Variants in SDCCAG8 observed in about 807,000 individuals in gnomAD.
SDCCAG8 encodes serologically defined colon cancer antigen 8.
A neutral mutation model predicts 101.8 loss-of-function variants in SDCCAG8; 74 were observed. The observed-to-expected ratio is 0.73, with a 90% confidence interval of 0.60 to 0.88. SDCCAG8 has a LOEUF of 0.88. Among genes scored for constraint, SDCCAG8 ranks in the 40% least tolerant of loss-of-function variants. The probability of loss-of-function intolerance (pLI) is 0.00; values close to 1 mark genes in which losing one functional copy is unlikely to be tolerated. For synonymous variants in SDCCAG8, 281 were observed against 292.9 expected (o/e 0.96, Z 0.41); for missense variants, 787 against 822.6 (o/e 0.96, Z 0.53).
chr1:243,379,134 T>G (rs1573675832), intron 13 of SDCCAG8, among the ~76,000 whole-genome samples: 2 of 152,194 alleles, frequency 1.3e-5, no homozygotes, highest in Non-Finnish European at 2.9e-5. Context: ...AATGACATAT[T>G]TCTCCTACCA....
intron 17 of SDCCAG8, among the ~76,000 whole-genome samples, chr1:243,490,281 C>T (rs1230062448): frequency 2.6e-5 from 4 of 152,240 alleles, no homozygotes; most frequent in Non-Finnish European, 2.9e-5. Flanking sequence ...GGAAATGCCT[C>T]TACTGTCCCC....
intron 15 of SDCCAG8, among the ~76,000 whole-genome samples, chr1:243,419,902 T>G (rs2080868575): frequency 1.3e-5 from 2 of 152,226 alleles, no homozygotes; most frequent in Non-Finnish European, 2.9e-5. Context: ...ATCTGTCATC[T>G]TAGCCTGTAC....
At chr1:243,292,946 A>C (rs1190933690) in intron 5 of SDCCAG8, 145 bp from the exon 6 acceptor site, 1 of 999,476 alleles carries the variant, frequency 1.0e-6, no homozygotes, top group African/African-American at 1.6e-5. Flanking sequence ...TAATAGCCTG[A>C]AAATGTGAAG....
chr1:243,399,284 A>G (rs1302516606), intron 13 of SDCCAG8, among the ~76,000 whole-genome samples: 2 of 152,094 alleles, frequency 1.3e-5, no homozygotes, highest in South Asian at 4.1e-4. Flanking sequence ...TGCATCCCAC[A>G]TTATACTTCT....
chr1:243,302,112 A>T (rs1241988965), intron 6 of SDCCAG8, among the ~76,000 whole-genome samples: 4 of 151,998 alleles, frequency 2.6e-5, no homozygotes, highest in Non-Finnish European at 5.9e-5. Flanking sequence ...GCTGGGCATG[A>T]TGTCACGTGC....
chr1:243,342,671 A>G (rs2075446732), intron 11 of SDCCAG8, among the ~76,000 whole-genome samples: 1 of 152,238 alleles, frequency 6.6e-6, no homozygotes, highest in Admixed American at 6.5e-5. Flanking sequence ...ATTGAGAAAG[A>G]AAATAAAGTA....
intron 8 of SDCCAG8, among the ~76,000 whole-genome samples, chr1:243,310,108 C>T (rs565730342): frequency 7.2e-5 from 11 of 152,140 alleles, no homozygotes; most frequent in East Asian, 3.9e-4. Context: ...ATGATCCACC[C>T]GCCTTGGCCT....
chr1:243,445,147 A>G (rs984219012), intron 16 of SDCCAG8, among the ~76,000 whole-genome samples: 1 of 152,208 alleles, frequency 6.6e-6, no homozygotes, highest in African/African-American at 2.4e-5. Context: ...TCTAAAGACT[A>G]ATAAATTTTT....
rs1282002784 is a variant in SDCCAG8 at position 243,310,954 on chromosome 1, G to A, written c.929+2777G>A. On this transcript the variant is annotated intron_variant, in intron 8 of 17. Transcript: ENST00000366541. ...ATTGATAATTTCAAGAGTTGGTGAG[G>A]TCATGAGTACACAAGTATTTTCACT... 3.9e-5 allele frequency among the ~76,000 whole-genome samples: 6 copies of A among 152,188 alleles called. No individual in the cohort carries two copies. In the South Asian group the frequency reaches 1.0e-3, roughly 26 times the overall value.
chr1:243,328,466 G>A (rs1464757534), intron 9 of SDCCAG8, among the ~76,000 whole-genome samples: 2 of 151,658 alleles, frequency 1.3e-5, no homozygotes, highest in Non-Finnish European at 2.9e-5. Flanking sequence ...TTAGTAGGAC[G>A]GGGTTTCACC....
chr1:243,497,927 T>C (rs907122062), intron 17 of SDCCAG8, among the ~76,000 whole-genome samples: 4 of 152,178 alleles, frequency 2.6e-5, no homozygotes, highest in African/African-American at 9.7e-5. Flanking sequence ...AGCGATCCTA[T>C]TGCCCCAGCC....
chr1:243,478,508 G>T (rs1261524101), intron 16 of SDCCAG8, among the ~76,000 whole-genome samples: 1 of 152,106 alleles, frequency 6.6e-6, no homozygotes, highest in African/African-American at 2.4e-5. Context: ...AGGCTAATTA[G>T]GAATCTGAGA....
intron 16 of SDCCAG8, among the ~76,000 whole-genome samples, chr1:243,449,093 ACACT>A (rs2083159914): frequency 6.6e-6 from 1 of 152,248 alleles, no homozygotes; most frequent in African/African-American, 2.4e-5. Context: ...CATCCAGTGG[ACACT>A]CAGTAAGTGT....
intron 16 of SDCCAG8, among the ~76,000 whole-genome samples, chr1:243,447,466 G>C (rs1258585133): frequency 6.6e-6 from 1 of 151,836 alleles, no homozygotes; most frequent in Non-Finnish European, 1.5e-5. Context: ...CCTTAATTAG[G>C]TCTTAGTATC....
At chr1:243,414,160 G>A (rs1322694259) in intron 13 of SDCCAG8, among the ~76,000 whole-genome samples, 1 of 152,172 alleles carries the variant, frequency 6.6e-6, no homozygotes, top group Non-Finnish European at 1.5e-5. Flanking sequence ...GTCATTGAGG[G>A]AAGAATAGTT....
At chr1:243,438,712 C>A (rs961187725) in intron 16 of SDCCAG8, among the ~76,000 whole-genome samples, 1 of 152,174 alleles carries the variant, frequency 6.6e-6, no homozygotes, top group Admixed American at 6.5e-5. Context: ...AAAGACATTT[C>A]TGTGATGTTA....
At chr1:243,493,467 T>C (rs972913928) in intron 17 of SDCCAG8, among the ~76,000 whole-genome samples, 1 of 152,154 alleles carries the variant, frequency 6.6e-6, no homozygotes, top group African/African-American at 2.4e-5. Flanking sequence ...CAAGATGATT[T>C]TCTGTGTCTG....
chr1:243,405,362 G>C (rs946123989), intron 13 of SDCCAG8, among the ~76,000 whole-genome samples: 1 of 152,130 alleles, frequency 6.6e-6, no homozygotes, highest in Non-Finnish European at 1.5e-5. Context: ...AAACATGGCA[G>C]CAAATCACAG....
intron 16 of SDCCAG8, among the ~76,000 whole-genome samples, chr1:243,447,206 G>A (rs1293481795): frequency 4.3e-5 from 5 of 117,286 alleles, no homozygotes; most frequent in East Asian, 3.0e-4. Context: ...CCGAGATCGC[G>A]CCACGGCACT....
Sources: allele counts gnomAD v4.1 joint callset (sites outside exome capture counted in the v4.1 genomes callset), GRCh38; gene constraint gnomAD v4.1.1; transcripts MANE v1.5; gene names NCBI Gene and HGNC (gene_info 2026-07-23, HGNC 2026-07-21).